Variants in DNAJC1 observed in about 807,000 individuals in gnomAD.
The protein encoded by DNAJC1 is dnaJ homolog subfamily C member 1.
In DNAJC1, 58 loss-of-function variants were observed where a neutral mutation model predicts 76.6. That is an observed-to-expected ratio of 0.76 (90% CI 0.61 to 0.94). The LOEUF (loss-of-function observed/expected upper bound fraction) is 0.94. Ranked by LOEUF, DNAJC1 falls within the 40% of genes least tolerant of loss-of-function variation. DNAJC1 has a pLI of 0.00. For synonymous variants in DNAJC1, 258 were observed against 267.9 expected, an observed-to-expected ratio of 0.96 and a Z score of 0.36; for missense variants, 689 against 677.3, an observed-to-expected ratio of 1.02 and a Z score of -0.19.
intron 1 of DNAJC1, among the ~76,000 whole-genome samples, chr10:21,967,560 T>C (rs1469948901): frequency 3.3e-5 from 5 of 152,258 alleles, no homozygotes; most frequent in Non-Finnish European, 7.3e-5. Flanking sequence ...TACTATTTGG[T>C]TCCTTTTAAA....
At chr10:21,963,249 G>A (rs151090758) in intron 1 of DNAJC1, among the ~76,000 whole-genome samples, 153 of 152,218 alleles carry the variant, frequency 1.0e-3, no homozygotes, top group African/African-American at 3.3e-3. Context: ...TTAGCTCCAC[G>A]CTCAGTACAT....
intron 1 of DNAJC1, among the ~76,000 whole-genome samples, chr10:21,985,418 T>C (rs1489114165): frequency 6.6e-6 from 1 of 152,040 alleles, no homozygotes; most frequent in African/African-American, 2.4e-5. Context: ...CTCAGCTAAT[T>C]TCGTATTTTT....
chr10:21,786,023 T>C (rs1834602134), intron 9 of DNAJC1, among the ~76,000 whole-genome samples: 1 of 152,196 alleles, frequency 6.6e-6, no homozygotes, highest in South Asian at 2.1e-4. Flanking sequence ...TGCTCATTAA[T>C]GCTTTTGGAC....
At chr10:21,778,642 G>A (rs1834483393) in intron 9 of DNAJC1, among the ~76,000 whole-genome samples, 1 of 152,222 alleles carries the variant, frequency 6.6e-6, no homozygotes, top group South Asian at 2.1e-4. Context: ...AATAGGAACA[G>A]CTCTAGTCTA....
chr10:21,784,217 A>T (rs572294769), intron 9 of DNAJC1, among the ~76,000 whole-genome samples: 9 of 152,328 alleles, frequency 5.9e-5, no homozygotes, highest in African/African-American at 2.2e-4. Context: ...AAAATCAAAC[A>T]ACCCCATCAA....
At chr10:21,954,886 T>C (rs555122622) in intron 1 of DNAJC1, among the ~76,000 whole-genome samples, 2 of 152,352 alleles carry the variant, frequency 1.3e-5, no homozygotes, top group South Asian at 4.1e-4. Context: ...GTAGTGTGGC[T>C]ATGATACAAA....
chr10:21,899,346 C>A (rs2131739543), intron 7 of DNAJC1, among the ~76,000 whole-genome samples: 1 of 152,344 alleles, frequency 6.6e-6, no homozygotes, highest in African/African-American at 2.4e-5. Flanking sequence ...CAGCATCATT[C>A]TGCAGGCCCC....
intron 10 of DNAJC1, among the ~76,000 whole-genome samples, chr10:21,763,409 G>A (rs1834262546): frequency 6.6e-6 from 1 of 152,144 alleles, no homozygotes; most frequent in Admixed American, 6.5e-5. Flanking sequence ...GGCAAATACA[G>A]ACAGTCTGTG....
intron 1 of DNAJC1, among the ~76,000 whole-genome samples, chr10:21,966,303 C>T (rs1026726813): frequency 6.6e-6 from 1 of 151,908 alleles, no homozygotes; most frequent in South Asian, 2.1e-4. Flanking sequence ...ACCATTTTTC[C>T]CTATATAATT....
At chr10:21,837,570 A>T (rs1379161277) in intron 8 of DNAJC1, among the ~76,000 whole-genome samples, 1 of 142,848 alleles carries the variant, frequency 7.0e-6, no homozygotes, top group African/African-American at 2.6e-5. Context: ...GCGACCCCAT[A>T]TGGGAGGTGA....
chr10:21,820,662 T>C (rs556970130), intron 8 of DNAJC1, among the ~76,000 whole-genome samples: 9 of 151,928 alleles, frequency 5.9e-5, no homozygotes, highest in South Asian at 2.1e-4. Flanking sequence ...TCCCCAGGAG[T>C]TCCCCCCAGA....
chr10:21,962,678 A>G (rs577876040), intron 1 of DNAJC1, among the ~76,000 whole-genome samples: 56 of 117,056 alleles, frequency 4.8e-4, no homozygotes, highest in Non-Finnish European at 7.7e-4. Context: ...GAGACAGGTT[A>G]TTGCCGTGTT....
At chr10:21,931,631 T>C (rs1837225958) in intron 1 of DNAJC1, among the ~76,000 whole-genome samples, 1 of 152,202 alleles carries the variant, frequency 6.6e-6, no homozygotes, top group African/African-American at 2.4e-5. Flanking sequence ...TATTACATCC[T>C]TGACCTGATA....
At chr10:21,935,436 G>A (rs1837296167) in intron 1 of DNAJC1, among the ~76,000 whole-genome samples, 1 of 151,988 alleles carries the variant, frequency 6.6e-6, no homozygotes, top group African/African-American at 2.4e-5. Context: ...CTGATCTGGG[G>A]AGCAGAAAGG....
intron 7 of DNAJC1, among the ~76,000 whole-genome samples, chr10:21,885,069 G>A (rs969616074): frequency 5.3e-5 from 8 of 151,940 alleles, no homozygotes; most frequent in African/African-American, 1.7e-4. Flanking sequence ...GTCACAGAGT[G>A]GCAAGCTGGA....
chr10:21,772,253 G>C (rs1287761046), intron 9 of DNAJC1, among the ~76,000 whole-genome samples: 1 of 141,534 alleles, frequency 7.1e-6, no homozygotes, highest in Non-Finnish European at 1.5e-5. Flanking sequence ...AATGAGATGA[G>C]AAATATTCAC....
chr10:21,927,087 C>T (rs1361237051), intron 3 of DNAJC1, among the ~76,000 whole-genome samples: 1 of 152,186 alleles, frequency 6.6e-6, no homozygotes, highest in Non-Finnish European at 1.5e-5. Flanking sequence ...GAGAAACCAA[C>T]TAGAAAATAT....
intron 1 of DNAJC1, among the ~76,000 whole-genome samples, chr10:21,967,755 T>C (rs1054256085): frequency 3.9e-5 from 6 of 152,156 alleles, no homozygotes; most frequent in Non-Finnish European, 8.8e-5. Context: ...TGGGTCCAAA[T>C]TCTGCGGACT....
chr10:21,788,553 T>C (rs1212960522), intron 9 of DNAJC1, among the ~76,000 whole-genome samples: 1 of 152,098 alleles, frequency 6.6e-6, no homozygotes, highest in Non-Finnish European at 1.5e-5. Context: ...GTTTGTGGAG[T>C]AGTGTTATCA....
Sources: gnomAD v4.1 joint callset for allele counts (sites outside exome capture counted in the v4.1 genomes callset) on GRCh38, gnomAD v4.1.1 for gene constraint, MANE v1.5 for transcripts, NCBI Gene and HGNC (gene_info 2026-07-23, HGNC 2026-07-21) for gene names.